MID1: variants seen among roughly 807,000 people sequenced by gnomAD.
MID1 encodes the protein midline 1.
Under a neutral mutation model 40.4 loss-of-function variants are expected in MID1, and 7 were observed. The observed-to-expected ratio is 0.17, with a 90% CI of 0.10 to 0.33. The LOEUF is 0.33. Among genes scored for constraint, MID1 ranks in the 10% least tolerant of loss-of-function variants. The pLI is 1.00. For missense variants in MID1, 367 were observed against 558.5 expected, an observed-to-expected ratio of 0.66 and a Z score of 3.46; for synonymous variants, 229 against 221.2, an observed-to-expected ratio of 1.04 and a Z score of -0.31.
intron 8 of MID1, among the ~76,000 whole-genome samples, chrX:10,458,555 C>A (rs754838480): frequency 8.9e-6 from 1 of 111,904 alleles, no homozygotes; most frequent in Non-Finnish European, 1.9e-5. Flanking sequence ...TAAGGGTGTA[C>A]AGAACTCTCT....
At position 10,521,136 on chromosome X, in the gene MID1, G is replaced by T. The variant is rs192145077; in HGVS notation, c.756+1956C>A. ...TGTGTATGGGAGGGGGGCGGGCGGT[G>T]GGGGAGGAGTGTCATACACTTTTAA... On this transcript the variant is annotated intron_variant, in intron 3 of 9. Coordinates refer to ENST00000317552, the MANE Select transcript of MID1 (RefSeq NM_000381.4). Among the ~76,000 whole-genome samples the T allele has an allele frequency of 5.3e-3, 555 of 103,754 alleles. 7 individuals are homozygous for T. Among genetic ancestry groups the T allele is most frequent in the Non-Finnish European group, 9.1e-3 (461 of 50,626 alleles). 90.1% of individuals were successfully genotyped at this position (103,754 alleles called of 115,157 possible). A position where few individuals can be genotyped will look rare whatever the true frequency, so the allele number is the denominator to read the frequency against.
chrX:10,526,357 C>T (rs770077718), intron 2 of MID1, among the ~76,000 whole-genome samples: 12 of 110,538 alleles, frequency 1.1e-4, no homozygotes, highest in African/African-American at 3.6e-4. Flanking sequence ...TTAAATGAAT[C>T]GCAACTGCTA....
chrX:10,717,002 T>A (rs1302228449), intron 1 of MID1, among the ~76,000 whole-genome samples: 1 of 111,158 alleles, frequency 9.0e-6, no homozygotes, highest in Non-Finnish European at 1.9e-5. Flanking sequence ...GCTGAGAGAT[T>A]TTGTCACCAC....
chrX:10,496,088 T>C (rs775706741), intron 3 of MID1, among the ~76,000 whole-genome samples: 2 of 112,468 alleles, frequency 1.8e-5, no homozygotes, highest in East Asian at 5.6e-4. Context: ...AAATCAATAT[T>C]ATTCTTTTAT....
intron 3 of MID1, chrX:10,501,474 T>C: frequency 8.7e-7 from 1 of 1,152,506 alleles, no homozygotes; most frequent in Non-Finnish European, 1.1e-6. Flanking sequence ...CAGTCTTGCC[T>C]GTAGGGAGTT....
chrX:10,472,929 T>C (rs932652160), intron 6 of MID1, among the ~76,000 whole-genome samples: 1 of 112,455 alleles, frequency 8.9e-6, no homozygotes, highest in African/African-American at 3.2e-5. Flanking sequence ...GATGGTTTTA[T>C]TCACTGCTAG....
chrX:10,639,567 G>T (rs1327144123), intron 1 of MID1, among the ~76,000 whole-genome samples: 1 of 111,943 alleles, frequency 8.9e-6, no homozygotes, highest in Non-Finnish European at 1.9e-5. Context: ...CGGGGAGAAT[G>T]GAACCAAGTT....
intron 1 of MID1, among the ~76,000 whole-genome samples, chrX:10,803,520 T>G (rs974860059): frequency 9.1e-6 from 1 of 109,908 alleles, no homozygotes; most frequent in Non-Finnish European, 1.9e-5. Flanking sequence ...GCCCGGCTAA[T>G]TTTTGTATTT....
At chrX:10,753,823 A>C (rs1276277111) in intron 1 of MID1, among the ~76,000 whole-genome samples, 1 of 112,256 alleles carries the variant, frequency 8.9e-6, no homozygotes, top group Non-Finnish European at 1.9e-5. Context: ...CTGGATGCTA[A>C]AAGCATGTTG....
chrX:10,473,437 T>C (rs374228818), intron 6 of MID1, among the ~76,000 whole-genome samples: 16 of 112,287 alleles, frequency 1.4e-4, no homozygotes, highest in African/African-American at 4.5e-4. Flanking sequence ...CCTGCCTTGC[T>C]TGACAATGCA....
At chrX:10,816,884 A>G in intron 1 of MID1, among the ~76,000 whole-genome samples, 1 of 112,041 alleles carries the variant, frequency 8.9e-6, no homozygotes, top group East Asian at 2.8e-4. Context: ...AGGGTTTGTC[A>G]TGGAACAATG....
chrX:10,594,769 C>T (rs957916781), intron 1 of MID1, among the ~76,000 whole-genome samples: 4 of 111,791 alleles, frequency 3.6e-5, no homozygotes, highest in African/African-American at 1.3e-4. Flanking sequence ...CTGTTATACC[C>T]TAATAGAGTA....
At chrX:10,494,175 A>C (rs913290593) in intron 4 of MID1, among the ~76,000 whole-genome samples, 1 of 112,192 alleles carries the variant, frequency 8.9e-6, no homozygotes, top group African/African-American at 3.2e-5. Context: ...ATCAATAACT[A>C]TTTGATTTCA....
chrX:10,541,666 A>C (rs1602375525), intron 2 of MID1, among the ~76,000 whole-genome samples: 2 of 111,586 alleles, frequency 1.8e-5, no homozygotes, highest in East Asian at 5.6e-4. Flanking sequence ...GTATTTCCTA[A>C]CACATAAGGC....
chrX:10,673,594 C>G (rs1199068332), intron 1 of MID1, among the ~76,000 whole-genome samples: 1 of 111,704 alleles, frequency 9.0e-6, no homozygotes, highest in Non-Finnish European at 1.9e-5. Flanking sequence ...AGATAGGGAA[C>G]AGGCAGAAGC....
chrX:10,710,164 G>A (rs2043257125), intron 1 of MID1, among the ~76,000 whole-genome samples: 1 of 111,282 alleles, frequency 9.0e-6, no homozygotes, highest in Non-Finnish European at 1.9e-5. Flanking sequence ...CCTAGGGCAG[G>A]AAATTCAGAT....
chrX:10,452,080 A>ATTT (rs982915830), intron 9 of MID1, among the ~76,000 whole-genome samples: 56 of 111,343 alleles, frequency 5.0e-4, no homozygotes, highest in African/African-American at 1.7e-3. Flanking sequence ...GTGGCACAGC[A>ATTT]TTTTTATTTT....
chrX:10,565,343 G>A (rs1264166620), intron 2 of MID1: 2 of 330,057 alleles, frequency 6.1e-6, no homozygotes, highest in Non-Finnish European at 1.2e-5. Context: ...ATTGACTTCA[G>A]CATGTCGGCT....
intron 1 of MID1, among the ~76,000 whole-genome samples, chrX:10,703,360 A>T (rs2043204516): frequency 8.9e-6 from 1 of 112,422 alleles, no homozygotes. Flanking sequence ...ATATAAGCAG[A>T]TAGTTGTTAA....
Sources: allele counts gnomAD v4.1 joint callset (sites outside exome capture counted in the v4.1 genomes callset), GRCh38; gene constraint gnomAD v4.1.1; transcripts MANE v1.5; gene names NCBI Gene and HGNC (gene_info 2026-07-23, HGNC 2026-07-21).